RAB6A: variants seen among roughly 807,000 people sequenced by gnomAD.
RAB6A encodes the protein ras-related protein Rab-6A.
Under a neutral mutation model 32.3 loss-of-function variants are expected in RAB6A, and 8 were observed. The ratio of observed to expected loss-of-function variants is 0.25; its 90% CI spans 0.15 to 0.45. The LOEUF (loss-of-function observed/expected upper bound fraction) is 0.45, where lower values mean the gene tolerates loss of function less well. Among genes scored for constraint, RAB6A ranks in the 20% least tolerant of loss-of-function variants. The pLI is 1.00. For synonymous variants in RAB6A, 73 were observed against 82.1 expected, an observed-to-expected ratio of 0.89 and a Z score of 0.60; for missense variants, 104 against 249.4, an observed-to-expected ratio of 0.42 and a Z score of 3.93.
chr11:73,739,391 C>G (rs1017827687), intron 1 of RAB6A, among the ~76,000 whole-genome samples: 1 of 145,584 alleles, frequency 6.9e-6, no homozygotes, highest in East Asian at 2.1e-4. Context: ...AGGTTGGTCT[C>G]GAACTCCTGG....
chr11:73,683,229 C>T (rs1590820200), intron 6 of RAB6A, among the ~76,000 whole-genome samples: 1 of 148,320 alleles, frequency 6.7e-6, no homozygotes, highest in Admixed American at 6.8e-5. Flanking sequence ...AAATTCACTG[C>T]ATAATAACGA....
At chr11:73,700,609 T>TGGGGGGG (rs59223959) in intron 6 of RAB6A, among the ~76,000 whole-genome samples, 9 of 28,622 alleles carry the variant, frequency 3.1e-4, no homozygotes, top group African/African-American at 6.1e-4. Context: ...AGTGTGTGTG[T>TGGGGGGG]GGGGGGGGGG....
chr11:73,721,336 C>T (rs1457581730), intron 2 of RAB6A, among the ~76,000 whole-genome samples: 1 of 152,120 alleles, frequency 6.6e-6, no homozygotes, highest in African/African-American at 2.4e-5. Flanking sequence ...TGTCCTAATG[C>T]CATAGACAGC....
chr11:73,720,206 GT>G (rs1361933427), intron 3 of RAB6A, among the ~76,000 whole-genome samples: 2 of 146,314 alleles, frequency 1.4e-5, no homozygotes, highest in Admixed American at 1.4e-4. Context: ...TTGCAACGGA[GT>G]TTCGCTCTTG....
chr11:73,726,621 C>T (rs375430771), intron 2 of RAB6A, among the ~76,000 whole-genome samples: 1 of 110,760 alleles, frequency 9.0e-6, no homozygotes, highest in East Asian at 3.2e-4. Context: ...TAGTGGTGCA[C>T]ACCTGTAGTT....
intron 5 of RAB6A, among the ~76,000 whole-genome samples, chr11:73,711,319 T>C (rs1945954527): frequency 6.6e-6 from 1 of 152,204 alleles, no homozygotes; most frequent in South Asian, 2.1e-4. Context: ...GTAATGTGTA[T>C]ATACATCTGT....
chr11:73,752,616 G>C (rs1050362339), intron 1 of RAB6A, among the ~76,000 whole-genome samples: 2 of 152,216 alleles, frequency 1.3e-5, no homozygotes, highest in African/African-American at 4.8e-5. Context: ...TCAGGAATTC[G>C]AGATGAGCCT....
chr11:73,724,311 T>C (rs982089890), intron 2 of RAB6A, among the ~76,000 whole-genome samples: 2 of 152,198 alleles, frequency 1.3e-5, no homozygotes, highest in African/African-American at 4.8e-5. Flanking sequence ...TTGATATACA[T>C]AGGCAACATC....
chr11:73,692,447 G>A (rs1040388321), intron 6 of RAB6A, among the ~76,000 whole-genome samples: 1 of 140,088 alleles, frequency 7.1e-6, no homozygotes, highest in Non-Finnish European at 1.5e-5. Context: ...AGCTTACAGT[G>A]AGCCGAGATT....
chr11:73,744,508 C>A (rs1446137926), intron 1 of RAB6A, among the ~76,000 whole-genome samples: 1 of 50,846 alleles, frequency 2.0e-5, no homozygotes, highest in African/African-American at 9.8e-5. Context: ...GAGACCCTGT[C>A]TCCAAAAAAA....
Position 73,716,283 on chromosome 11 carries a change from T to C in RAB6A, c.369A>G (p.Leu123=). 2 of 1,612,932 alleles carry C rather than the reference T, an allele frequency of 1.2e-6. No homozygotes were observed. Among genetic ancestry groups the C allele is most frequent in the Non-Finnish European group, 8.5e-7 (1 of 1,178,950 alleles). The part of the protein sequence containing the change: ...TERGSDVIIM[L]VGNKTDLADK... ...CAGCAAGATCTGTTTTATTTCCTACTAGCATGATGATAACATCACTTCCTC... is the reference window on the plus strand; with the variant it reads ...CAGCAAGATCTGTTTTATTTCCTACCAGCATGATGATAACATCACTTCCTC... Residue 123 remains leucine (L), a synonymous_variant, in exon 5 of 8, where the codon CTA becomes CTG. Transcript: ENST00000336083.
Position 73,720,828 on chromosome 11 carries a change from A to G in RAB6A, c.183+18T>C, listed in dbSNP as rs747884933. ...CCTGGAATGTTGCAGAAAATTGCAC[A>G]CTGAAAATATTACTCACTGTTCGAT... On this transcript the variant is annotated intron_variant, in intron 3 of 7. Transcript: ENST00000336083. 1.3e-6 allele frequency: 2 copies of G among 1,587,686 alleles called. No individual in the cohort carries two copies. Among genetic ancestry groups the G allele is most frequent in the Non-Finnish European group, 1.7e-6 (2 of 1,161,538 alleles).
chr11:73,739,306 A>ATATATATATATATAT (rs1555066983), intron 1 of RAB6A, among the ~76,000 whole-genome samples: 1 of 57,542 alleles, frequency 1.7e-5, no homozygotes, highest in Non-Finnish European at 3.8e-5. Context: ...TATATATATA[A>ATATATATATATATAT]ATACTGGAAC....
At chr11:73,681,311 G>A (rs1052895524) in intron 6 of RAB6A, among the ~76,000 whole-genome samples, 3 of 152,160 alleles carry the variant, frequency 2.0e-5, no homozygotes, top group African/African-American at 7.2e-5. Flanking sequence ...GATGTAACAA[G>A]GTCCAACTCA....
In RAB6A at chr11:73,760,977, G is replaced by C. The variant is rs1946836589; in HGVS notation, c.-342C>G. On this transcript the variant is annotated 5_prime_UTR_variant, in exon 1 of 8. Transcript: ENST00000336083. ...CCAGACCTGGGGAAGAGAAGCTGAGGGTGGCGGAGCCGGAACCGCAGACGT... is the reference window on the plus strand; with the variant it reads ...CCAGACCTGGGGAAGAGAAGCTGAGCGTGGCGGAGCCGGAACCGCAGACGT... 3.9e-6 allele frequency: 1 copy of C among 258,484 alleles called. No individual in the cohort carries two copies. Among genetic ancestry groups the C allele is most frequent in the Admixed American group, 5.5e-5 (1 of 18,050 alleles). The allele number at this position is 258,484 out of a possible 1,614,324, so 16.0% of individuals were successfully genotyped here.
intron 6 of RAB6A, among the ~76,000 whole-genome samples, chr11:73,683,706 C>A (rs1231038280): frequency 1.3e-5 from 2 of 152,020 alleles, no homozygotes. Context: ...GTGTGCGCCA[C>A]CACACAGGGC....
intron 1 of RAB6A, among the ~76,000 whole-genome samples, chr11:73,732,603 A>C (rs1946332886): frequency 6.6e-6 from 1 of 152,012 alleles, no homozygotes; most frequent in Admixed American, 6.6e-5. Flanking sequence ...ATATATAAAT[A>C]AATAAATCAG....
intron 1 of RAB6A, among the ~76,000 whole-genome samples, chr11:73,757,757 G>A (rs1391556172): frequency 6.6e-6 from 1 of 152,090 alleles, no homozygotes; most frequent in African/African-American, 2.4e-5. Context: ...AGTTTTAAGT[G>A]TTATTGTTAA....
intron 6 of RAB6A, chr11:73,704,151 T>C (rs1436926852): frequency 5.0e-6 from 2 of 400,192 alleles, no homozygotes; most frequent in African/African-American, 2.1e-5. Context: ...CGAGGCCAAG[T>C]TGGGAGGATC....
Sources: gnomAD v4.1 joint callset for allele counts (sites outside exome capture counted in the v4.1 genomes callset) on GRCh38, gnomAD v4.1.1 for gene constraint, MANE v1.5 for transcripts, NCBI Gene and HGNC (gene_info 2026-07-23, HGNC 2026-07-21) for gene names.